Variants in ZZEF1 observed in about 807,000 individuals in gnomAD.
The protein encoded by ZZEF1 is zinc finger ZZ-type and EF-hand domain containing 1.
A neutral mutation model predicts 342.8 loss-of-function variants in ZZEF1; 157 were observed. The ratio of observed to expected loss-of-function variants is 0.46; its 90% CI spans 0.40 to 0.52. The LOEUF (loss-of-function observed/expected upper bound fraction) is 0.52. Among genes scored for constraint, ZZEF1 ranks in the 20% least tolerant of loss-of-function variants. The probability of loss-of-function intolerance (pLI) is 0.00; values close to 1 mark genes in which losing one functional copy is unlikely to be tolerated. For synonymous variants in ZZEF1, 1,505 were observed against 1,429.1 expected, an observed-to-expected ratio of 1.05 and a Z score of -1.20; for missense variants, 3,480 against 3,725.6, an observed-to-expected ratio of 0.93 and a Z score of 1.72.
chr17:4,019,926 G>A (rs1379103680), intron 45 of ZZEF1, 157 bp from the exon 46 acceptor site: 3 of 539,994 alleles, frequency 5.6e-6, no homozygotes, highest in Admixed American at 4.1e-5. Flanking sequence ...ATATAAAATT[G>A]TAAGCACCAA....
chr17:4,129,108 T>A (rs946682513), intron 1 of ZZEF1, among the ~76,000 whole-genome samples: 2 of 152,150 alleles, frequency 1.3e-5, no homozygotes, highest in African/African-American at 4.8e-5. Context: ...GGTATGTAAT[T>A]CACACACTAT....
intron 42 of ZZEF1, among the ~76,000 whole-genome samples, chr17:4,031,147 T>A (rs1445767616): frequency 6.6e-6 from 1 of 152,018 alleles, no homozygotes; most frequent in Non-Finnish European, 1.5e-5. Flanking sequence ...AAATCTCATC[T>A]CTACTAAAAA....
At position 4,142,427 on chromosome 17, in the gene ZZEF1, A is replaced by T. The variant is rs2058873876; in HGVS notation, c.354+115T>A. 2.7e-6 allele frequency: 3 copies of T among 1,118,272 alleles called. No homozygotes were observed. In the South Asian group the frequency reaches 4.4e-5, roughly 17 times the overall value. 69.3% of individuals were successfully genotyped at this position (1,118,272 alleles called of 1,614,324 possible). A position where few individuals can be genotyped will look rare whatever the true frequency, so the allele number is the denominator to read the frequency against. ...AAGCAAACGCCTGGTGAAAAGCTGG[A>T]AACACCTCATATGGGTCCCCGCCTG... On this transcript the variant is annotated intron_variant, in intron 1 of 54. Coordinates refer to ENST00000381638, the MANE Select transcript of ZZEF1 (RefSeq NM_015113.4).
intron 18 of ZZEF1, among the ~76,000 whole-genome samples, chr17:4,079,325 G>A (rs1027664875): frequency 6.6e-6 from 1 of 152,154 alleles, no homozygotes; most frequent in African/African-American, 2.4e-5. Context: ...AAGAAAGACT[G>A]GTGAGGGGGA....
Position 4,064,545 on chromosome 17 carries a change from T to C in ZZEF1, c.4534A>G (p.Thr1512Ala). The change falls in exon 29 of 55, where the codon ACA becomes GCA. Residue 1512 changes from threonine to alanine, a missense_variant. Coordinates refer to ENST00000381638, the MANE Select transcript of ZZEF1 (RefSeq NM_015113.4). ...GAAGGTGACAAGGGCTCTTCAGCTG[T>C]GGCAGGGGACACGTCTGCAGCAGGA... ...GLPAADVSPA[T>A]AEEPLSPSTP... is the part of the protein sequence containing the mutation. 1 of 1,614,144 alleles carries C rather than the reference T, an allele frequency of 6.2e-7. No individual in the cohort carries two copies. The highest frequency in any genetic ancestry group is 8.5e-7 in the Non-Finnish European group (1 of 1,180,020).
At chr17:4,059,390 G>C (rs1597828533) in intron 30 of ZZEF1, 100 bp from the exon 31 acceptor site, 2 of 1,444,508 alleles carry the variant, frequency 1.4e-6, no homozygotes, top group Non-Finnish European at 1.9e-6. Flanking sequence ...GTGGCAGTCA[G>C]CTGAGCAAAG....
Position 4,006,538 on chromosome 17 carries a change from G to T in ZZEF1, c.*352C>A. 3.2e-6 allele frequency: 1 copy of T among 311,308 alleles called. No individual in the cohort carries two copies. Among genetic ancestry groups the T allele is most frequent in the South Asian group, 2.9e-5 (1 of 34,472 alleles). The allele number at this position is 311,308 out of a possible 1,614,324, so 19.3% of individuals were successfully genotyped here. A position where few individuals can be genotyped will look rare whatever the true frequency, so the allele number is the denominator to read the frequency against. ...CAAGTGCAGGCAGTTCCAGCTCCAC[G>T]GAGACAGAAACCAGTTGAGAGAGGC... On this transcript the variant is annotated 3_prime_UTR_variant, in exon 55 of 55. Coordinates refer to ENST00000381638, the MANE Select transcript of ZZEF1 (RefSeq NM_015113.4).
At chr17:4,130,071 A>T (rs2145580843) in intron 1 of ZZEF1, among the ~76,000 whole-genome samples, 1 of 152,332 alleles carries the variant, frequency 6.6e-6, no homozygotes, top group East Asian at 1.9e-4. Context: ...TGCTGGGCTT[A>T]GTTGTAATGT....
chr17:4,053,905 G>T, intron 34 of ZZEF1, 152 bp downstream of exon 34: 1 of 794,538 alleles, frequency 1.3e-6, no homozygotes, highest in Non-Finnish European at 1.9e-6. Context: ...TTTAGTTGAG[G>T]AGATAAGGCT....
intron 1 of ZZEF1, among the ~76,000 whole-genome samples, chr17:4,132,834 C>T (rs962642383): frequency 7.9e-5 from 12 of 151,574 alleles, no homozygotes; most frequent in African/African-American, 1.4e-4. Context: ...GGTGTGGTGG[C>T]GGGCGCCTGT....
intron 1 of ZZEF1, among the ~76,000 whole-genome samples, chr17:4,136,357 CAA>C (rs2058749527): frequency 2.0e-5 from 2 of 101,798 alleles, no homozygotes; most frequent in African/African-American, 8.4e-5. Flanking sequence ...AAAAAAAAAA[CAA>C]AGACATTACA....
chr17:4,012,545 G>A (rs1318409094), intron 52 of ZZEF1, among the ~76,000 whole-genome samples: 2 of 152,152 alleles, frequency 1.3e-5, no homozygotes, highest in Non-Finnish European at 2.9e-5. Context: ...AAGGAGGGTG[G>A]GGGCCAGGCA....
Position 4,117,040 on chromosome 17 carries a change from T to C in ZZEF1, c.626A>G (p.Asn209Ser), listed in dbSNP as rs202180388. 11 of 1,614,094 alleles carry C rather than the reference T, an allele frequency of 6.8e-6. 1 individual carries two copies. The Admixed American group carries it at 1.0e-4, about 15-fold the overall frequency. The change falls in exon 3 of 55, where the codon AAT becomes AGT. Residue 209 changes from asparagine (N) to serine (S), a missense_variant. Asn to Ser is a conservative substitution (Grantham distance 46, BLOSUM62 1). This residue lies in a region of ZZEF1 where 416 missense variants were observed against 374.2 expected (regional missense o/e 1.11). Coordinates refer to ENST00000381638, the MANE Select transcript of ZZEF1 (RefSeq NM_015113.4). The part of the protein sequence containing the change: ...VMPYPMLEHC[N>S]NMCTMRSSVL... ...GGAAGACCGCATGGTGCACATGTTA[T>C]TGCAGTGCTCCAGCATCGGGTAGGG...
intron 39 of ZZEF1, among the ~76,000 whole-genome samples, chr17:4,041,982 G>C (rs775587890): frequency 6.6e-6 from 1 of 152,140 alleles, no homozygotes; most frequent in Non-Finnish European, 1.5e-5. Flanking sequence ...AAAACTGTAA[G>C]CATAATAATG....
At chr17:4,013,341 G>A in intron 52 of ZZEF1, 108 bp downstream of exon 52, 1 of 1,129,452 alleles carries the variant, frequency 8.9e-7, no homozygotes. Flanking sequence ...AGACATTAAA[G>A]CCACAAATGT....
chr17:4,017,319 G>T lies in ZZEF1; in HGVS notation c.8001+52C>A. 1.3e-6 allele frequency: 2 copies of T among 1,540,746 alleles called. No homozygotes were observed. The highest frequency in any genetic ancestry group is 1.3e-5 in the African/African-American group (1 of 74,164). On this transcript the variant is annotated intron_variant, in intron 48 of 54. Transcript: ENST00000381638. The surrounding 1 kb of genome is among the most constrained non-coding windows in gnomAD (Gnocchi z 5.1). ...GAAGCACTCACTGGAGGAAGCCTGTGGGGCAGAGGAAGAACCTGGTGGGTG... is the reference window on the plus strand; with the variant it reads ...GAAGCACTCACTGGAGGAAGCCTGTTGGGCAGAGGAAGAACCTGGTGGGTG...
intron 16 of ZZEF1, among the ~76,000 whole-genome samples, chr17:4,083,154 G>A (rs1219948385): frequency 2.0e-5 from 3 of 152,226 alleles, no homozygotes; most frequent in Non-Finnish European, 4.4e-5. Flanking sequence ...CGAAGATACT[G>A]AGGAGGCACC....
At chr17:4,080,327 TTTTGTTTTTTGTTTG>T (rs767206977) in intron 18 of ZZEF1, among the ~76,000 whole-genome samples, 41 of 151,324 alleles carry the variant, frequency 2.7e-4, no homozygotes, top group East Asian at 9.8e-4. Flanking sequence ...TGAATTTTTT[TTTTGTTTTTTGTTTG>T]TTTGTTTGTT....
intron 6 of ZZEF1, 88 bp from the exon 7 acceptor site, chr17:4,105,897 A>C (rs2058204561): frequency 2.9e-6 from 3 of 1,038,456 alleles, no homozygotes; most frequent in Non-Finnish European, 4.3e-6. Context: ...GTTTTGACTA[A>C]TCCCTTATAA....
Sources: gnomAD v4.1 joint callset for allele counts (sites outside exome capture counted in the v4.1 genomes callset) on GRCh38, gnomAD v4.1.1 for gene constraint, gnomAD v4.1.1 regional missense constraint, Gnocchi (gnomAD v3.1) non-coding constraint, MANE v1.5 for transcripts, NCBI Gene and HGNC (gene_info 2026-07-23, HGNC 2026-07-21) for gene names.